AQP9: variants seen among roughly 807,000 people sequenced by gnomAD.
The protein encoded by AQP9 is aquaporin 9, also known as aquaporin-9.
In AQP9, 19 loss-of-function variants were observed where a neutral mutation model predicts 23.8. The ratio of observed to expected loss-of-function variants is 0.80; its 90% CI spans 0.56 to 1.17. The LOEUF is 1.17. Ranked by LOEUF, AQP9 falls within the 50% of genes most tolerant of loss-of-function variation. AQP9 has a pLI of 0.00. For synonymous variants in AQP9, 153 were observed against 131.5 expected (o/e 1.16, Z -1.12); for missense variants, 413 against 362.0 (o/e 1.14, Z -1.14).
chr15:58,139,233 T>C (rs1897911506), intron 1 of AQP9, among the ~76,000 whole-genome samples: 1 of 152,186 alleles, frequency 6.6e-6, no homozygotes, highest in African/African-American at 2.4e-5. Context: ...CCAGCTTTAG[T>C]TTTGTGTCAT....
chr15:58,166,529 G>C, intron 1 of AQP9, 144 bp from the exon 2 acceptor site: 2 of 1,139,112 alleles, frequency 1.8e-6, no homozygotes, highest in Non-Finnish European at 2.4e-6. Flanking sequence ...TCTGTGTATA[G>C]CTGAATCATT....
chr15:58,169,147 G>A (rs190291055), intron 2 of AQP9, among the ~76,000 whole-genome samples: 8 of 152,276 alleles, frequency 5.3e-5, no homozygotes, highest in African/African-American at 1.4e-4. Context: ...CTAAACTGGG[G>A]TTGAATCCCT....
chr15:58,162,780 C>T (rs1369234344), intron 1 of AQP9, among the ~76,000 whole-genome samples: 1 of 152,118 alleles, frequency 6.6e-6, no homozygotes, highest in Non-Finnish European at 1.5e-5. Flanking sequence ...CAACATCAAC[C>T]GTGAGATGCA....
At chr15:58,170,367 T>C (rs7174552) in intron 2 of AQP9, among the ~76,000 whole-genome samples, 3,474 of 152,176 alleles carry the variant, frequency 0.023, 130 homozygotes, top group African/African-American at 0.077. Context: ...TAGATCACTG[T>C]AGTCTGAGCT....
At chr15:58,160,259 T>C (rs1323176538) in intron 1 of AQP9, among the ~76,000 whole-genome samples, 1 of 149,024 alleles carries the variant, frequency 6.7e-6, no homozygotes, top group Non-Finnish European at 1.5e-5. Flanking sequence ...CTTGAGCATT[T>C]TTTTTTTTCA....
At chr15:58,160,596 A>G (rs1898356370) in intron 1 of AQP9, among the ~76,000 whole-genome samples, 1 of 152,012 alleles carries the variant, frequency 6.6e-6, no homozygotes, top group Non-Finnish European at 1.5e-5. Context: ...CCCCATGTAT[A>G]CATGTTAAAT....
Position 58,168,826 on chromosome 15 carries a change from T to G in AQP9, c.238+2027T>G, listed in dbSNP as rs148191326. On this transcript the variant is annotated intron_variant, in intron 2 of 5. Coordinates refer to ENST00000219919, the MANE Select transcript of AQP9 (RefSeq NM_020980.5). ...TATCCCGAGGCTTAACTGCTCCCCC[T>G]ATAAGCTCCCACTGAGTTCACCAGG... 2.7e-3 allele frequency among the ~76,000 whole-genome samples: 412 copies of G among 152,324 alleles called. 1 individual carries two copies. Among genetic ancestry groups the G allele is most frequent in the African/African-American group, 9.4e-3 (390 of 41,562 alleles).
At chr15:58,139,799 C>T (rs1595723648) in intron 1 of AQP9, among the ~76,000 whole-genome samples, 1 of 152,182 alleles carries the variant, frequency 6.6e-6, no homozygotes, top group East Asian at 1.9e-4. Flanking sequence ...AGATTCGTTA[C>T]AGTATTTTCA....
intron 2 of AQP9, among the ~76,000 whole-genome samples, chr15:58,171,615 G>A (rs939076098): frequency 6.6e-6 from 1 of 152,146 alleles, no homozygotes; most frequent in African/African-American, 2.4e-5. Context: ...AAGGCTTTAG[G>A]AAATCATCTG....
intron 1 of AQP9, among the ~76,000 whole-genome samples, chr15:58,157,193 T>C (rs1898281842): frequency 6.6e-6 from 1 of 152,158 alleles, no homozygotes; most frequent in African/African-American, 2.4e-5. Flanking sequence ...TGTGTTCCTT[T>C]CCTATATCCA....
intron 1 of AQP9, chr15:58,164,263 A>C (rs2140614282): frequency 6.6e-6 from 1 of 152,328 alleles, no homozygotes; most frequent in South Asian, 2.1e-4. Context: ...AAGTGCATGT[A>C]CATCAGGACC....
chr15:58,162,413 C>A (rs536679245), intron 1 of AQP9, among the ~76,000 whole-genome samples: 4 of 152,244 alleles, frequency 2.6e-5, no homozygotes, highest in Admixed American at 1.3e-4. Context: ...AGGAAGGAAG[C>A]CTCCAACTTC....
intron 1 of AQP9, among the ~76,000 whole-genome samples, chr15:58,163,791 A>G (rs1166353920): frequency 6.6e-6 from 1 of 151,872 alleles, no homozygotes; most frequent in East Asian, 1.9e-4. Context: ...TTTTTGGAGG[A>G]AAAAAAATAC....
chr15:58,163,387 G>C (rs559419121), intron 1 of AQP9, among the ~76,000 whole-genome samples: 1 of 152,098 alleles, frequency 6.6e-6, no homozygotes, highest in African/African-American at 2.4e-5. Flanking sequence ...GAACACCCAA[G>C]GGGACAGAAT....
intron 1 of AQP9, chr15:58,150,317 T>A (rs889539985): frequency 6.6e-6 from 1 of 152,644 alleles, no homozygotes; most frequent in East Asian, 1.9e-4. Context: ...CCTACAAGTT[T>A]CAGAATATTC....
At position 58,185,077 on chromosome 15, in the gene AQP9, G is replaced by C. The variant is rs575645613; in HGVS notation, c.*942G>C. 1.3e-4 allele frequency: 20 copies of C among 152,272 alleles called. No homozygotes were observed. The highest frequency in any genetic ancestry group is 4.8e-4 in the African/African-American group (20 of 41,546). The allele number at this position is 152,272 out of a possible 1,614,324, so 9.4% of individuals were successfully genotyped here. A position where few individuals can be genotyped will look rare whatever the true frequency, so the allele number is the denominator to read the frequency against. On this transcript the variant is annotated 3_prime_UTR_variant, in exon 6 of 6. Coordinates refer to ENST00000219919, the MANE Select transcript of AQP9 (RefSeq NM_020980.5). ...TCTAGCTGAATCTTCAGAGTGGGAGGTCTCCAAAAAGATATTACCTTATTG... is the reference window on the plus strand; with the variant it reads ...TCTAGCTGAATCTTCAGAGTGGGAGCTCTCCAAAAAGATATTACCTTATTG...
chr15:58,176,600 G>A (rs1898759800), intron 4 of AQP9, among the ~76,000 whole-genome samples: 1 of 145,866 alleles, frequency 6.9e-6, no homozygotes. Flanking sequence ...TGGTTATTTT[G>A]GTGTTTTTCT....
chr15:58,163,517 G>A (rs1423464261), intron 1 of AQP9, among the ~76,000 whole-genome samples: 1 of 152,110 alleles, frequency 6.6e-6, no homozygotes, highest in Non-Finnish European at 1.5e-5. Flanking sequence ...GCACTTGGAA[G>A]GTAAATAAGT....
rs146037755 is a variant in AQP9 at position 58,140,777 on chromosome 15, C to T, written c.111+2101C>T. Among the ~76,000 whole-genome samples the T allele has an allele frequency of 9.8e-3, 1,487 of 152,090 alleles. 8 individuals carry two copies. Among genetic ancestry groups the T allele is most frequent in the Middle Eastern group, 0.054 (16 of 294 alleles). On this transcript the variant is annotated intron_variant, in intron 1 of 5. Coordinates refer to ENST00000219919, the MANE Select transcript of AQP9 (RefSeq NM_020980.5). Reference sequence around the variant, plus strand: ...CAAATATGTGAGATTGTTTTTTTTCCGCCAACCTTGGGAGTCTGGTTCTAT... The same window carrying T: ...CAAATATGTGAGATTGTTTTTTTTCTGCCAACCTTGGGAGTCTGGTTCTAT...
Sources: gnomAD v4.1 joint callset for allele counts (sites outside exome capture counted in the v4.1 genomes callset) on GRCh38, gnomAD v4.1.1 for gene constraint, MANE v1.5 for transcripts, NCBI Gene and HGNC (gene_info 2026-07-23, HGNC 2026-07-21) for gene names.